PSD3: variants seen among roughly 807,000 people sequenced by gnomAD.
PSD3 encodes the protein pleckstrin and Sec7 domain containing 3.
In PSD3, 49 loss-of-function variants were observed where a neutral mutation model predicts 105.5. The ratio of observed to expected loss-of-function variants is 0.46; its 90% confidence interval spans 0.37 to 0.59. The LOEUF (loss-of-function observed/expected upper bound fraction) is 0.59. PSD3 is among the 20% of genes least tolerant of loss of function. PSD3 has a pLI of 0.00. For missense variants in PSD3, 1,561 were observed against 1,263.8 expected (o/e 1.24, Z -3.57); for synonymous variants, 557 against 457.8 (o/e 1.22, Z -2.77).
chr8:18,777,550 A>G (rs990769941), intron 8 of PSD3, among the ~76,000 whole-genome samples: 4 of 152,192 alleles, frequency 2.6e-5, no homozygotes, highest in Non-Finnish European at 4.4e-5. Context: ...TTAACACATA[A>G]TAACTATACA....
At chr8:18,544,171 C>CAAAAAAAAAAAAAAAAAAAAAAAAACAA (rs1800310691) in intron 15 of PSD3, among the ~76,000 whole-genome samples, 6 of 106,692 alleles carry the variant, frequency 5.6e-5, no homozygotes, top group African/African-American at 1.5e-4. Context: ...AGAAACAAAC[C>CAAAAAAAAAAAAAAAAAAAAAAAAACAA]AAAAAAAAAA....
At chr8:18,815,108 G>C (rs1004669952) in intron 4 of PSD3, among the ~76,000 whole-genome samples, 1 of 152,130 alleles carries the variant, frequency 6.6e-6, no homozygotes, top group Non-Finnish European at 1.5e-5. Context: ...CTCCTTTCTT[G>C]ATTAGGTAAT....
intron 9 of PSD3, among the ~76,000 whole-genome samples, chr8:18,723,064 T>C (rs1175853745): frequency 6.6e-6 from 1 of 152,174 alleles, no homozygotes; most frequent in Non-Finnish European, 1.5e-5. Flanking sequence ...AAACAGGTGC[T>C]TGAGAAAAAC....
chr8:18,693,093 T>C (rs186750816), intron 9 of PSD3, among the ~76,000 whole-genome samples: 256 of 152,302 alleles, frequency 1.7e-3, no homozygotes, highest in Middle Eastern at 6.8e-3. Flanking sequence ...ACTTCTCAAA[T>C]GGAGCAGAAC....
chr8:18,892,426 T>C (rs1235160034), intron 2 of PSD3, among the ~76,000 whole-genome samples: 1 of 151,840 alleles, frequency 6.6e-6, no homozygotes, highest in African/African-American at 2.4e-5. Flanking sequence ...AGTTTCACCA[T>C]GTTAGCCAGG....
At chr8:18,726,366 C>A (rs1803334569) in intron 9 of PSD3, among the ~76,000 whole-genome samples, 1 of 152,210 alleles carries the variant, frequency 6.6e-6, no homozygotes, top group East Asian at 1.9e-4. Flanking sequence ...TTATCGTCTT[C>A]CACATACAGA....
At chr8:18,991,314 G>C (rs74336273) in intron 1 of PSD3, among the ~76,000 whole-genome samples, 2,800 of 149,826 alleles carry the variant, frequency 0.019, 99 homozygotes, top group African/African-American at 0.064. Context: ...TACTCTCTCG[G>C]ACAATAATCT....
At chr8:18,722,129 G>A (rs913842551) in intron 9 of PSD3, among the ~76,000 whole-genome samples, 9 of 151,194 alleles carry the variant, frequency 6.0e-5, no homozygotes, top group African/African-American at 1.2e-4. Flanking sequence ...GAACTTAAAA[G>A]TCTACTAGAT....
At chr8:18,778,391 T>C (rs1258583752) in intron 8 of PSD3, among the ~76,000 whole-genome samples, 2 of 152,170 alleles carry the variant, frequency 1.3e-5, no homozygotes, top group Non-Finnish European at 2.9e-5. Flanking sequence ...CTTCTATATA[T>C]AAGATCATGT....
chr8:18,842,577 C>T (rs1406258331), intron 4 of PSD3, among the ~76,000 whole-genome samples: 12 of 151,982 alleles, frequency 7.9e-5, no homozygotes, highest in Admixed American at 1.3e-4. Flanking sequence ...ACTAAAAATA[C>T]AAAAAATTAG....
chr8:19,074,611 A>ATATATAT lies in PSD3; in HGVS notation c.324+9594_324+9595insATATATA, dbSNP rs1324257417. Among the ~76,000 whole-genome samples, 152 of 24,090 alleles carry ATATATAT rather than the reference A, an allele frequency of 6.3e-3. 4 individuals carry two copies. Among genetic ancestry groups the ATATATAT allele is most frequent in the Middle Eastern group, 0.026 (1 of 38 alleles). 15.8% of individuals were successfully genotyped at this position (24,090 alleles called of 152,430 possible). A position where few individuals can be genotyped will look rare whatever the true frequency, so the allele number is the denominator to read the frequency against. ...TATATACATATATATATATATATAT[A>ATATATAT]TTTTTTTTTTTTTTTTTTTTTTTTT... On this transcript the variant is annotated intron_variant, in intron 1 of 1. Transcript: ENST00000521475.
chr8:18,758,414 CTTT>C (rs143280710), intron 9 of PSD3, among the ~76,000 whole-genome samples: 9 of 135,116 alleles, frequency 6.7e-5, no homozygotes, highest in East Asian at 6.3e-4. Flanking sequence ...CAGTTTTACT[CTTT>C]TTTTTTTTTT....
At chr8:18,876,398 T>C (rs1817736241) in intron 2 of PSD3, among the ~76,000 whole-genome samples, 1 of 151,966 alleles carries the variant, frequency 6.6e-6, no homozygotes, top group Non-Finnish European at 1.5e-5. Context: ...CTTTTCTTCC[T>C]TTTTTTGAGA....
chr8:18,837,733 G>A (rs1462426199), intron 4 of PSD3, among the ~76,000 whole-genome samples: 12 of 152,100 alleles, frequency 7.9e-5, no homozygotes, highest in Admixed American at 7.9e-4. Flanking sequence ...GAGCCCAGGA[G>A]TTCCAAACCA....
At chr8:18,873,429 T>A (rs1454830507) in intron 2 of PSD3, among the ~76,000 whole-genome samples, 1 of 151,456 alleles carries the variant, frequency 6.6e-6, no homozygotes, top group African/African-American at 2.4e-5. Flanking sequence ...AAAGTTTGTT[T>A]ATATATCTAG....
chr8:19,002,201 T>C (rs1045019533), intron 1 of PSD3, among the ~76,000 whole-genome samples: 1 of 151,886 alleles, frequency 6.6e-6, no homozygotes, highest in Non-Finnish European at 1.5e-5. Context: ...GGTCATAAAG[T>C]TTATATCTCT....
intron 14 of PSD3, among the ~76,000 whole-genome samples, chr8:18,556,945 A>G (rs1217184536): frequency 6.6e-6 from 1 of 152,230 alleles, no homozygotes; most frequent in Non-Finnish European, 1.5e-5. Context: ...TGATTGGCCC[A>G]AAGCAACCCG....
chr8:18,602,298 T>C (rs540101491), intron 11 of PSD3, among the ~76,000 whole-genome samples: 90 of 152,298 alleles, frequency 5.9e-4, no homozygotes, highest in Admixed American at 4.6e-3. Context: ...ACACTAAGCC[T>C]ACTACAAAGA....
At chr8:18,997,922 C>T (rs1826165834) in intron 1 of PSD3, among the ~76,000 whole-genome samples, 1 of 152,070 alleles carries the variant, frequency 6.6e-6, no homozygotes, top group Non-Finnish European at 1.5e-5. Flanking sequence ...ACATACTACA[C>T]ACACGCACAT....
Sources: allele counts gnomAD v4.1 joint callset (sites outside exome capture counted in the v4.1 genomes callset), GRCh38; gene constraint gnomAD v4.1.1; transcripts MANE v1.5; gene names NCBI Gene and HGNC (gene_info 2026-07-23, HGNC 2026-07-21).